SH3RF2: variants seen among roughly 807,000 people sequenced by gnomAD.
The protein encoded by SH3RF2 is SH3 domain containing ring finger 2.
Under a neutral mutation model 59.0 loss-of-function variants are expected in SH3RF2, and 43 were observed. The ratio of observed to expected loss-of-function variants is 0.73; its 90% CI spans 0.57 to 0.94. SH3RF2 has a LOEUF of 0.94. SH3RF2 is among the 40% of genes least tolerant of loss of function. The pLI, the probability that SH3RF2 is intolerant of heterozygous loss-of-function variation, is 0.00. For missense variants in SH3RF2, 930 were observed against 940.1 expected, an observed-to-expected ratio of 0.99 and a Z score of 0.14; for synonymous variants, 391 against 391.5, an observed-to-expected ratio of 1.00 and a Z score of 0.01.
At position 146,072,686 on chromosome 5, in the gene SH3RF2, A is replaced by G. The variant is rs539065201; in HGVS notation, c.*34-5774A>G. Among the ~76,000 whole-genome samples, 218 of 152,114 alleles carry G rather than the reference A, an allele frequency of 1.4e-3. 3 individuals are homozygous for G. Among genetic ancestry groups the G allele is most frequent in the African/African-American group, 5.2e-3 (215 of 41,518 alleles). On this transcript the variant is annotated intron_variant, in intron 9 of 9. Coordinates refer to the SH3RF2 transcript ENST00000511217. The stretch of plus-strand genomic sequence containing the variant: ...CTCCATCTTAAAAAAAAAAGAACAG[A>G]ATCTCTTACTAGCTGCCATTCATTA...
chr5:146,078,045 G>C (rs1209550404), intron 9 of SH3RF2, among the ~76,000 whole-genome samples: 1 of 151,932 alleles, frequency 6.6e-6, no homozygotes, highest in African/African-American at 2.4e-5. Context: ...TCTCCCTTAT[G>C]GTCAAGTGCC....
intron 5 of SH3RF2, among the ~76,000 whole-genome samples, chr5:146,025,359 T>G (rs2150000208): frequency 6.6e-6 from 1 of 152,352 alleles, no homozygotes; most frequent in East Asian, 1.9e-4. Context: ...GCAGTCGCCT[T>G]GTTTACATCC....
Position 146,002,873 on chromosome 5 carries a change from C to A in SH3RF2, c.649-1185C>A, listed in dbSNP as rs147993859. Among the ~76,000 whole-genome samples the A allele has an allele frequency of 3.2e-3, 490 of 152,280 alleles. 1 individual carries two copies. Among genetic ancestry groups the A allele is most frequent in the Non-Finnish European group, 5.0e-3 (342 of 68,020 alleles). On this transcript the variant is annotated intron_variant, in intron 3 of 9. Transcript: ENST00000359120. ...AGGTGGAGCAGTTTTATCTTGAAACCATTCCCTATCCTCTACCCTCTATCC... is the reference window on the plus strand; with the variant it reads ...AGGTGGAGCAGTTTTATCTTGAAACAATTCCCTATCCTCTACCCTCTATCC...
chr5:146,064,022 G>A (rs2150024862), downstream of SH3RF2, among the ~76,000 whole-genome samples: 1 of 152,230 alleles, frequency 6.6e-6, no homozygotes, highest in African/African-American at 2.4e-5. Flanking sequence ...TCACTCACAA[G>A]GCAACAACAC....
chr5:145,959,841 G>A (rs1034579099), intron 2 of SH3RF2, among the ~76,000 whole-genome samples: 2 of 152,016 alleles, frequency 1.3e-5, no homozygotes, highest in African/African-American at 2.4e-5. Flanking sequence ...TGTAGTTGGA[G>A]GTCAACCTGC....
intron 2 of SH3RF2, among the ~76,000 whole-genome samples, chr5:145,975,786 T>C (rs907924317): frequency 6.6e-6 from 1 of 152,260 alleles, no homozygotes; most frequent in African/African-American, 2.4e-5. Flanking sequence ...GGGCAGTGCC[T>C]AGCTGTGGAG....
At chr5:145,956,700 A>C (rs929647175) in intron 2 of SH3RF2, among the ~76,000 whole-genome samples, 8 of 152,254 alleles carry the variant, frequency 5.3e-5, no homozygotes, top group African/African-American at 1.9e-4. Context: ...GGAATAATCC[A>C]TAAAAAGCTT....
intron 2 of SH3RF2, among the ~76,000 whole-genome samples, chr5:145,960,406 C>T (rs1016910668): frequency 7.9e-5 from 12 of 152,308 alleles, no homozygotes; most frequent in African/African-American, 2.4e-4. Context: ...GAAGCTCTAC[C>T]GGCCTAGAAA....
intron 7 of SH3RF2, among the ~76,000 whole-genome samples, chr5:146,054,359 T>TTGCTGCTGCTGC (rs551128313): frequency 1.5e-4 from 23 of 152,320 alleles, no homozygotes; most frequent in African/African-American, 5.3e-4. Context: ...TATGCTGCCC[T>TTGCTGCTGCTGC]TGCTGCTGCT....
intron 9 of SH3RF2, 41 bp from the exon 10 acceptor site, chr5:146,062,385 C>T (rs765329243): frequency 3.1e-6 from 5 of 1,596,570 alleles, no homozygotes; most frequent in Admixed American, 1.7e-5. Flanking sequence ...ATAGACATCT[C>T]CCACCTCACC....
At chr5:146,011,363 G>C (rs1442938722) in intron 4 of SH3RF2, among the ~76,000 whole-genome samples, 4 of 152,146 alleles carry the variant, frequency 2.6e-5, no homozygotes, top group African/African-American at 9.7e-5. Context: ...GGCAGTGTGG[G>C]CTCTTTTTTG....
chr5:146,055,926 C>T, intron 7 of SH3RF2, 55 bp from the exon 8 acceptor site: 1 of 1,577,562 alleles, frequency 6.3e-7, no homozygotes, highest in Non-Finnish European at 8.6e-7. Flanking sequence ...GGACTCTTGA[C>T]TGAACATTTT....
At chr5:145,999,680 CACAA>C (rs964875534) in intron 2 of SH3RF2, among the ~76,000 whole-genome samples, 1 of 151,366 alleles carries the variant, frequency 6.6e-6, no homozygotes, top group Non-Finnish European at 1.5e-5. Context: ...GCAGTCAGAA[CACAA>C]ACATTTATCG....
chr5:146,031,016 T>C (rs948607712), intron 5 of SH3RF2, among the ~76,000 whole-genome samples: 5 of 152,166 alleles, frequency 3.3e-5, no homozygotes, highest in Non-Finnish European at 7.3e-5. Context: ...GATTGGCCTC[T>C]TCCTTTAAAA....
intron 2 of SH3RF2, among the ~76,000 whole-genome samples, chr5:145,962,663 C>T (rs898298985): frequency 4.6e-5 from 7 of 151,932 alleles, no homozygotes; most frequent in African/African-American, 1.5e-4. Context: ...TGCCTTAGGC[C>T]GTCCTTCTTT....
intron 2 of SH3RF2, among the ~76,000 whole-genome samples, chr5:145,998,485 T>C (rs775480958): frequency 8.8e-6 from 1 of 113,166 alleles, no homozygotes; most frequent in Non-Finnish European, 1.9e-5. Context: ...GAATAAAATA[T>C]CCATGTTTTA....
intron 4 of SH3RF2, among the ~76,000 whole-genome samples, chr5:146,008,496 C>G (rs1760739277): frequency 6.6e-6 from 1 of 152,118 alleles, no homozygotes; most frequent in Non-Finnish European, 1.5e-5. Context: ...GGCAGGTGTC[C>G]TGGGGCCTCT....
intron 2 of SH3RF2, among the ~76,000 whole-genome samples, chr5:145,995,707 C>A (rs765386947): frequency 1.4e-4 from 22 of 152,124 alleles, no homozygotes; most frequent in Admixed American, 3.9e-4. Flanking sequence ...ATTCAAAAAT[C>A]TCACCACTTA....
At chr5:146,010,965 C>T (rs1423297646) in intron 4 of SH3RF2, among the ~76,000 whole-genome samples, 2 of 151,970 alleles carry the variant, frequency 1.3e-5, no homozygotes, top group Non-Finnish European at 2.9e-5. Context: ...ATGCCGATGT[C>T]CTGAATGGTA....
Sources: allele counts gnomAD v4.1 joint callset (sites outside exome capture counted in the v4.1 genomes callset), GRCh38; gene constraint gnomAD v4.1.1; transcripts MANE v1.5; gene names NCBI Gene and HGNC (gene_info 2026-07-23, HGNC 2026-07-21).